Variants in CEP97 observed in about 807,000 individuals in gnomAD.
The protein encoded by CEP97 is centrosomal protein 97.
Under a neutral mutation model 73.1 loss-of-function variants are expected in CEP97, and 43 were observed. The observed-to-expected ratio is 0.59, with a 90% confidence interval of 0.46 to 0.76. The LOEUF (loss-of-function observed/expected upper bound fraction) is 0.76. Among genes scored for constraint, CEP97 ranks in the 30% least tolerant of loss-of-function variants. The pLI, the probability that CEP97 is intolerant of heterozygous loss-of-function variation, is 0.00. For missense variants in CEP97, 939 were observed against 1,014.0 expected (o/e 0.93, Z 1.00); for synonymous variants, 337 against 370.0 (o/e 0.91, Z 1.02).
chr3:101,763,009 T>C (rs1053803274), intron 10 of CEP97: 25 of 1,159,928 alleles, frequency 2.2e-5, no homozygotes, highest in Non-Finnish European at 5.5e-6. Flanking sequence ...AGGGACAGTT[T>C]AGGCAGTTGG....
rs1225537597 is a variant in CEP97, at chr3:101,747,091, C to T, written c.729-8339C>T. ...TTTACACTGTTGGTGGGACTGTAAACTAGTTCAACCATTGTGGAAGTCAGT... is the reference window on the plus strand; with the variant it reads ...TTTACACTGTTGGTGGGACTGTAAATTAGTTCAACCATTGTGGAAGTCAGT... On this transcript the variant is annotated intron_variant, in intron 6 of 10. Coordinates refer to ENST00000341893, the MANE Select transcript of CEP97 (RefSeq NM_024548.4). Among the ~76,000 whole-genome samples the T allele has an allele frequency of 3.4e-4, 50 of 149,074 alleles. 1 individual carries two copies. Among genetic ancestry groups the T allele is most frequent in the African/African-American group, 1.2e-3 (48 of 40,452 alleles).
At chr3:101,736,039 A>G (rs1938265766) in intron 6 of CEP97, among the ~76,000 whole-genome samples, 1 of 152,126 alleles carries the variant, frequency 6.6e-6, no homozygotes, top group African/African-American at 2.4e-5. Context: ...CCGAGGTGCG[A>G]ATAGGTGGTT....
chr3:101,735,022 C>T (rs530148479), intron 6 of CEP97, among the ~76,000 whole-genome samples: 1 of 152,176 alleles, frequency 6.6e-6, no homozygotes, highest in South Asian at 2.1e-4. Context: ...AGCGGTACTA[C>T]CTTGCTTTCA....
chr3:101,727,246 A>C (rs1937920569), intron 2 of CEP97, 137 bp from the exon 3 acceptor site: 1 of 650,868 alleles, frequency 1.5e-6, no homozygotes, highest in Non-Finnish European at 2.5e-6. Flanking sequence ...TAGAATATTT[A>C]GACAATATAT....
chr3:101,757,922 C>T lies in CEP97; in HGVS notation c.1316C>T (p.Ser439Phe). The T allele has an allele frequency of 6.2e-7, 1 of 1,614,220 alleles. No individual in the cohort carries two copies. Among genetic ancestry groups the T allele is most frequent in the South Asian group, 1.1e-5 (1 of 91,084 alleles). The change falls in exon 9 of 11, where the codon TCT becomes TTT. Residue 439 changes from serine to phenylalanine, a missense_variant. By Grantham distance (155) the Ser-to-Phe change is radical. Transcript: ENST00000341893. ...GLEDDGVADE[S>F]VKGLESQVLD... ...GAAGATGATGGTGTTGCAGATGAAT[C>T]TGTGAAAGGGCTGGAAAGCCAGGTG...
chr3:101,755,806 G>A (rs1001371403), intron 7 of CEP97, among the ~76,000 whole-genome samples: 11 of 152,188 alleles, frequency 7.2e-5, no homozygotes, highest in Middle Eastern at 3.4e-3. Context: ...GGGTTTTTTT[G>A]TTTTAAAGAC....
intron 1 of CEP97, among the ~76,000 whole-genome samples, chr3:101,725,149 G>C (rs975719663): frequency 6.6e-6 from 1 of 152,212 alleles, no homozygotes; most frequent in Admixed American, 6.5e-5. Flanking sequence ...CTCAGAGACC[G>C]CTGCCTAGTC....
chr3:101,747,651 G>A (rs1295603996), intron 6 of CEP97, among the ~76,000 whole-genome samples: 3 of 149,556 alleles, frequency 2.0e-5, no homozygotes, highest in Admixed American at 6.7e-5. Flanking sequence ...CTGCCTCCTT[G>A]GTTCAAGCAA....
Position 101,765,242 on chromosome 3 carries a change from A to G in CEP97, c.2289A>G (p.Ser763=), listed in dbSNP as rs1339182199. Residue 763 remains serine, a synonymous_variant, in exon 11 of 11, where the codon TCA becomes TCG. Coordinates refer to ENST00000341893, the MANE Select transcript of CEP97 (RefSeq NM_024548.4). The stretch of plus-strand genomic sequence containing the variant: ...ATGGTGAATGGAATAAGGAAAGCTC[A>G]AATAACGAGCAGGACAATAGTCTGC... The part of the protein sequence containing the change: ...EEHGEWNKES[S]NNEQDNSLLE... 6.2e-7 allele frequency: 1 copy of G among 1,614,094 alleles called. No homozygotes were observed. The highest frequency in any genetic ancestry group is 2.2e-5 in the East Asian group (1 of 44,878).
intron 6 of CEP97, among the ~76,000 whole-genome samples, chr3:101,746,716 G>A (rs1221831753): frequency 1.3e-5 from 2 of 152,188 alleles, no homozygotes; most frequent in African/African-American, 4.8e-5. Context: ...CACAGCAAAA[G>A]AAACTACCAT....
At position 101,732,413 on chromosome 3, in the gene CEP97, G is replaced by C. The variant is rs1938141663; in HGVS notation, c.562-75G>C. The C allele has an allele frequency of 3.0e-6, 3 of 984,870 alleles. No individual in the cohort carries two copies. The Admixed American group carries it at 6.8e-5, about 22-fold the overall frequency. The allele number at this position is 984,870 out of a possible 1,614,324, so 61.0% of individuals were successfully genotyped here. On this transcript the variant is annotated intron_variant, in intron 5 of 10. Coordinates refer to ENST00000341893, the MANE Select transcript of CEP97 (RefSeq NM_024548.4). Reference sequence around the variant, plus strand: ...TATCACATTCTCAAATGCTGCCAAAGATATGTAATCAGTGGAAATTTTGTG... The same window carrying C: ...TATCACATTCTCAAATGCTGCCAAACATATGTAATCAGTGGAAATTTTGTG...
rs1032775606 is a variant in CEP97, at chr3:101,755,488, C to A, written c.787C>A (p.His263Asn). ...GKGRAYRPGQ[H>N]IQLVQYLATV... ...GGGGAGAGCATATCGGCCTGGCCAG[C>A]ACATCCAGCTTGTCCAATATCTGGC... The change falls in exon 7 of 11, where the codon CAC becomes AAC. Residue 263 changes from histidine (H) to asparagine (N), a missense_variant. Physicochemically the swap from His to Asn is moderately conservative, Grantham distance 68 (BLOSUM62 1). Coordinates refer to ENST00000341893, the MANE Select transcript of CEP97 (RefSeq NM_024548.4). 5.0e-6 allele frequency: 8 copies of A among 1,613,978 alleles called. No individual in the cohort carries two copies. Among genetic ancestry groups the A allele is most frequent in the Non-Finnish European group, 5.9e-6 (7 of 1,179,984 alleles).
chr3:101,727,870 C>T (rs767888165), intron 3 of CEP97, among the ~76,000 whole-genome samples: 1 of 152,148 alleles, frequency 6.6e-6, no homozygotes, highest in Non-Finnish European at 1.5e-5. Context: ...GTTAGGAGAT[C>T]TGAATTCTAG....
At chr3:101,738,001 A>G (rs1938332958) in intron 6 of CEP97, among the ~76,000 whole-genome samples, 1 of 147,888 alleles carries the variant, frequency 6.8e-6, no homozygotes, top group Non-Finnish European at 1.5e-5. Context: ...TTTACCAAAC[A>G]AATGGAAAGC....
At chr3:101,762,088 G>A (rs562445840) in intron 9 of CEP97, among the ~76,000 whole-genome samples, 4 of 152,282 alleles carry the variant, frequency 2.6e-5, no homozygotes, top group African/African-American at 9.6e-5. Context: ...GGAGGCTTTG[G>A]ATAGCCACTC....
intron 5 of CEP97, 21 bp downstream of exon 5, chr3:101,731,974 G>T: frequency 7.4e-7 from 1 of 1,352,822 alleles, no homozygotes; most frequent in Non-Finnish European, 1.1e-6. Flanking sequence ...AGGGTATTTT[G>T]TGAGATTCAG....
At position 101,755,427 on chromosome 3, in the gene CEP97, C is replaced by G. The variant is rs200968628; in HGVS notation, c.729-3C>G. On this transcript the variant is annotated splice_polypyrimidine_tract_variant and splice_region_variant and intron_variant, in intron 6 of 10. Transcript: ENST00000341893. Reference sequence around the variant, plus strand: ...TCCTCTTTTTTATGTTCCCCAATTCCAGTTTGAAAGCTGAATGGCTCTATA... The same window carrying G: ...TCCTCTTTTTTATGTTCCCCAATTCGAGTTTGAAAGCTGAATGGCTCTATA... 1.9e-6 allele frequency: 3 copies of G among 1,613,374 alleles called. No individual in the cohort carries two copies. The highest frequency in any genetic ancestry group is 2.5e-6 in the Non-Finnish European group (3 of 1,179,646).
intron 6 of CEP97, among the ~76,000 whole-genome samples, chr3:101,742,971 G>A (rs920492321): frequency 6.6e-6 from 1 of 152,100 alleles, no homozygotes; most frequent in Non-Finnish European, 1.5e-5. Context: ...ATGGCCGCAC[G>A]TGGTGGCTCA....
intron 9 of CEP97, chr3:101,758,908 G>A (rs145239850): frequency 6.4e-6 from 1 of 155,118 alleles, no homozygotes; most frequent in African/African-American, 2.4e-5. Context: ...AGGAAAGTTA[G>A]GATTTCATTA....
Sources: allele counts gnomAD v4.1 joint callset (sites outside exome capture counted in the v4.1 genomes callset), GRCh38; gene constraint gnomAD v4.1.1; transcripts MANE v1.5; gene names NCBI Gene and HGNC (gene_info 2026-07-23, HGNC 2026-07-21).